Variants in KLRG1 observed in about 807,000 individuals in gnomAD.
KLRG1 encodes the protein killer cell lectin-like receptor subfamily G member 1.
A neutral mutation model predicts 21.8 loss-of-function variants in KLRG1; 16 were observed. The observed-to-expected ratio is 0.73, with a 90% CI of 0.50 to 1.11. The LOEUF (loss-of-function observed/expected upper bound fraction) is 1.11. Ranked by LOEUF, KLRG1 falls within the 50% of genes most tolerant of loss-of-function variation. The pLI is 0.00. For missense variants in KLRG1, 173 were observed against 218.3 expected (o/e 0.79, Z 1.31); for synonymous variants, 69 against 75.9 (o/e 0.91, Z 0.47).
the KLRG1 span, among the ~76,000 whole-genome samples, chr12:9,108,649 A>G: frequency 0.56 from 85,149 of 152,032 alleles, 25,439 homozygotes; most frequent in African/African-American, 0.76. Context: ...TGATCTTTGG[A>G]CAGGACTATA....
chr12:8,971,232 T>A (rs905691818), intron 1 of KLRG1: 2 of 152,136 alleles, frequency 1.3e-5, no homozygotes, highest in Non-Finnish European at 2.9e-5. Context: ...TGTGGGTAAG[T>A]GTGTATTAAC....
chr12:9,065,642 G>A, the KLRG1 span, among the ~76,000 whole-genome samples: 1 of 152,194 alleles, frequency 6.6e-6, no homozygotes, highest in African/African-American at 2.4e-5. Flanking sequence ...GGGAGCAGGA[G>A]GCAGACAGGT....
chr12:9,129,395 C>G, the KLRG1 span, among the ~76,000 whole-genome samples: 2 of 151,800 alleles, frequency 1.3e-5, no homozygotes, highest in African/African-American at 4.8e-5. Context: ...TAAATTTTTT[C>G]TAATCTTTCT....
At chr12:9,159,027 A>C in the KLRG1 span, among the ~76,000 whole-genome samples, 2 of 151,936 alleles carry the variant, frequency 1.3e-5, no homozygotes, top group African/African-American at 4.8e-5. Flanking sequence ...CTGCCCTTCC[A>C]CTTTTTTCCC....
At chr12:9,117,109 A>G in the KLRG1 span, among the ~76,000 whole-genome samples, 4 of 152,236 alleles carry the variant, frequency 2.6e-5, no homozygotes, top group African/African-American at 9.7e-5. Flanking sequence ...CTTTCTAAGC[A>G]TAACGAATGA....
the KLRG1 span, among the ~76,000 whole-genome samples, chr12:9,019,496 T>C: frequency 1.9e-4 from 29 of 152,276 alleles, no homozygotes; most frequent in African/African-American, 6.5e-4. Context: ...CTATTCACAA[T>C]AGCCAAGATT....
chr12:9,112,754 G>A, the KLRG1 span: 1 of 544,574 alleles, frequency 1.8e-6, no homozygotes, highest in Non-Finnish European at 3.3e-6. Flanking sequence ...AAGAGAGGTT[G>A]TAAGTGAGAT....
chr12:9,023,597 A>G, the KLRG1 span, among the ~76,000 whole-genome samples: 1 of 151,328 alleles, frequency 6.6e-6, no homozygotes, highest in South Asian at 2.1e-4. Context: ...TTGCTCTATC[A>G]CCCAGGCTGG....
chr12:9,168,683 A>G, the KLRG1 span: 3 of 509,484 alleles, frequency 5.9e-6, no homozygotes, highest in African/African-American at 2.0e-5. Flanking sequence ...GATGTATCTA[A>G]AAAAAAATCT....
chr12:8,970,377 G>C (rs765972955), intron 1 of KLRG1: 1 of 152,340 alleles, frequency 6.6e-6, no homozygotes, highest in Non-Finnish European at 1.5e-5. Context: ...CCCTGACTTA[G>C]ATGAAAAGAA....
chr12:9,021,863 T>C, the KLRG1 span, among the ~76,000 whole-genome samples: 1 of 152,198 alleles, frequency 6.6e-6, no homozygotes, highest in African/African-American at 2.4e-5. Flanking sequence ...AACAATGCCT[T>C]CTTCTGCAAC....
chr12:9,102,509 C>A, the KLRG1 span, among the ~76,000 whole-genome samples: 1 of 152,148 alleles, frequency 6.6e-6, no homozygotes, highest in Non-Finnish European at 1.5e-5. Context: ...AGCTACCGTG[C>A]CTGGCCTAGG....
At chr12:9,162,132 T>G in the KLRG1 span, 1 of 153,762 alleles carries the variant, frequency 6.5e-6, no homozygotes, top group Non-Finnish European at 1.4e-5. Context: ...TGGCTAATTT[T>G]TGTTTTTTTC....
chr12:9,151,070 A>T, the KLRG1 span, among the ~76,000 whole-genome samples: 1 of 152,144 alleles, frequency 6.6e-6, no homozygotes, highest in Non-Finnish European at 1.5e-5. Flanking sequence ...AAAACAACGA[A>T]GTATTCTTTC....
At chr12:9,098,569 A>C in the KLRG1 span, 7 of 1,565,556 alleles carry the variant, frequency 4.5e-6, no homozygotes, top group Non-Finnish European at 6.1e-6. Context: ...AGCCCCTGGC[A>C]CGGCCCTTCT....
At chr12:8,993,512 A>T (rs777867894) in intron 2 of KLRG1, among the ~76,000 whole-genome samples, 3 of 151,750 alleles carry the variant, frequency 2.0e-5, no homozygotes, top group Admixed American at 6.6e-5. Context: ...CTGGTCTCGA[A>T]CTCCTGACCT....
the KLRG1 span, among the ~76,000 whole-genome samples, chr12:9,062,501 T>C: frequency 6.8e-6 from 1 of 146,776 alleles, no homozygotes; most frequent in African/African-American, 2.5e-5. Flanking sequence ...GTATAAAGAA[T>C]CACCTGACAC....
the KLRG1 span, chr12:9,099,568 C>G: frequency 1.3e-6 from 2 of 1,566,766 alleles, no homozygotes; most frequent in Non-Finnish European, 1.7e-6. Context: ...AGGTTAATGA[C>G]TATTTCCATT....
At chr12:9,043,076 C>CTT in the KLRG1 span, among the ~76,000 whole-genome samples, 2,401 of 131,162 alleles carry the variant, frequency 0.018, 104 homozygotes, top group African/African-American at 0.058. Context: ...TGGCAGATAT[C>CTT]TTTTTTTTTT....
Sources: allele counts gnomAD v4.1 joint callset (sites outside exome capture counted in the v4.1 genomes callset), GRCh38; gene constraint gnomAD v4.1.1; transcripts MANE v1.5; gene names NCBI Gene and HGNC (gene_info 2026-07-23, HGNC 2026-07-21).